Variants in ALK observed in about 807,000 individuals in gnomAD.
ALK encodes ALK receptor tyrosine kinase, also known as ALK tyrosine kinase receptor.
ALK carries 74 observed loss-of-function variants against 163.1 expected under a neutral mutation model. The observed-to-expected ratio is 0.45, with a 90% CI of 0.38 to 0.55. The LOEUF is 0.55. ALK is among the 20% of genes least tolerant of loss of function. The pLI, the probability that ALK is intolerant of heterozygous loss-of-function variation, is 0.00. For synonymous variants in ALK, 960 were observed against 843.2 expected (o/e 1.14, Z -2.40); for missense variants, 2,063 against 2,105.3 (o/e 0.98, Z 0.39).
At position 29,715,200 on chromosome 2, in the gene ALK, C is replaced by T. The variant is rs151136062; in HGVS notation, c.787+2378G>A. On this transcript the variant is annotated intron_variant, in intron 2 of 28. Coordinates refer to ENST00000389048, the MANE Select transcript of ALK (RefSeq NM_004304.5). Reference sequence around the variant, plus strand: ...AGAAAGATGTAAAGCCTCTGGAATGCCCACCATAGTCAGTTAAGGAACCAC... The same window carrying T: ...AGAAAGATGTAAAGCCTCTGGAATGTCCACCATAGTCAGTTAAGGAACCAC... Among the ~76,000 whole-genome samples the T allele has an allele frequency of 5.2e-3, 788 of 152,304 alleles. 13 individuals are homozygous for T. Among genetic ancestry groups the T allele is most frequent in the African/African-American group, 0.017 (720 of 41,562 alleles).
At chr2:29,672,747 G>T (rs1424389027) in intron 3 of ALK, among the ~76,000 whole-genome samples, 2 of 151,744 alleles carry the variant, frequency 1.3e-5, no homozygotes, top group African/African-American at 2.4e-5. Flanking sequence ...CTGAGGAATC[G>T]CCACACTGAC....
chr2:29,226,400 C>T (rs1663993789), intron 18 of ALK, among the ~76,000 whole-genome samples: 2 of 148,648 alleles, frequency 1.3e-5, no homozygotes, highest in African/African-American at 5.0e-5. Context: ...ATTGTTTGAA[C>T]CTGGGAAGCG....
At chr2:29,514,303 T>C (rs1573418573) in intron 4 of ALK, among the ~76,000 whole-genome samples, 1 of 147,772 alleles carries the variant, frequency 6.8e-6, no homozygotes, top group South Asian at 2.2e-4. Flanking sequence ...ATATACACCA[T>C]GGAATACTAT....
At chr2:29,378,068 A>G (rs1444215114) in intron 5 of ALK, among the ~76,000 whole-genome samples, 1 of 152,212 alleles carries the variant, frequency 6.6e-6, no homozygotes, top group Non-Finnish European at 1.5e-5. Flanking sequence ...CTGCTATAAA[A>G]TGTATGTAGG....
chr2:29,693,406 TACACACACACAC>T (rs58588313), intron 3 of ALK, among the ~76,000 whole-genome samples: 3 of 145,174 alleles, frequency 2.1e-5, no homozygotes, highest in Non-Finnish European at 4.6e-5. Flanking sequence ...AGCACTCACC[TACACACACACAC>T]ACACACACAC....
Position 29,449,818 on chromosome 2 carries a change from AG to A in ALK, c.1155-65960del, listed in dbSNP as rs1266919177. On this transcript the variant is annotated intron_variant, in intron 4 of 28. Transcript: ENST00000389048. ...TCTGAAATGTGACATAATTGGAGAAAGGGGCTGTGTTAAATTGTAAAAGCTC... is the reference window on the plus strand; with the variant it reads ...TCTGAAATGTGACATAATTGGAGAAAGGGCTGTGTTAAATTGTAAAAGCTC... Among the ~76,000 whole-genome samples, 8 of 152,328 alleles carry A rather than the reference AG, an allele frequency of 5.3e-5. No homozygotes were observed. In the East Asian group the frequency reaches 1.5e-3, roughly 29 times the overall value.
Position 29,231,007 on chromosome 2 carries a change from C to A in ALK, c.2632+1297G>T, listed in dbSNP as rs182461995. Among the ~76,000 whole-genome samples, 1,010 of 152,266 alleles carry A rather than the reference C, an allele frequency of 6.6e-3. 17 individuals carry two copies. The highest frequency in any genetic ancestry group is 5.6e-3 in the Non-Finnish European group (383 of 68,026). ...AGCAAATGTGTGGAAAGGAAAATAACCCATATCAAAATCAGAACAACGGTG... is the reference window on the plus strand; with the variant it reads ...AGCAAATGTGTGGAAAGGAAAATAAACCATATCAAAATCAGAACAACGGTG... On this transcript the variant is annotated intron_variant, in intron 15 of 28. Coordinates refer to ENST00000389048, the MANE Select transcript of ALK (RefSeq NM_004304.5).
chr2:29,568,067 C>A (rs1007319833), intron 3 of ALK, among the ~76,000 whole-genome samples: 1 of 152,108 alleles, frequency 6.6e-6, no homozygotes, highest in African/African-American at 2.4e-5. Context: ...ATGAAACATC[C>A]AATATCTGTA....
At chr2:29,681,422 A>G (rs796895025) in intron 3 of ALK, 9 of 152,328 alleles carry the variant, frequency 5.9e-5, no homozygotes, top group African/African-American at 2.2e-4. Context: ...TCCTTAAGTC[A>G]GTAAGACTTC....
intron 3 of ALK, among the ~76,000 whole-genome samples, chr2:29,636,135 A>T (rs1180233445): frequency 6.6e-6 from 1 of 152,220 alleles, no homozygotes; most frequent in Non-Finnish European, 1.5e-5. Flanking sequence ...ATATAGCTAC[A>T]GTAATCAAGA....
chr2:29,906,145 A>T (rs76595217), intron 1 of ALK, among the ~76,000 whole-genome samples: 2,956 of 152,034 alleles, frequency 0.019, 109 homozygotes, highest in African/African-American at 0.068. Context: ...GGCAGGGGGG[A>T]AGAAGCAGGC....
intron 4 of ALK, among the ~76,000 whole-genome samples, chr2:29,422,241 A>T (rs1670032698): frequency 6.7e-6 from 1 of 149,098 alleles, no homozygotes. Context: ...GAAGAACCTA[A>T]CAGTTCCCAG....
intron 1 of ALK, among the ~76,000 whole-genome samples, chr2:29,914,455 G>A (rs778569197): frequency 7.2e-5 from 11 of 152,158 alleles, no homozygotes; most frequent in Non-Finnish European, 1.5e-4. Flanking sequence ...GTTGCAGAGT[G>A]CACAGCCTGC....
At chr2:29,459,291 T>C (rs1388297628) in intron 4 of ALK, among the ~76,000 whole-genome samples, 2 of 152,060 alleles carry the variant, frequency 1.3e-5, no homozygotes, top group Non-Finnish European at 2.9e-5. Context: ...AGGTTGAAAG[T>C]CACTTTCTCC....
chr2:29,310,256 T>TA (rs1280157048), intron 8 of ALK, among the ~76,000 whole-genome samples: 2 of 152,186 alleles, frequency 1.3e-5, no homozygotes, highest in Admixed American at 6.5e-5. Flanking sequence ...GGCAGTCACT[T>TA]AAACTCTTTA....
At chr2:29,758,173 G>A (rs984138687) in intron 1 of ALK, among the ~76,000 whole-genome samples, 4 of 151,892 alleles carry the variant, frequency 2.6e-5, no homozygotes, top group South Asian at 4.2e-4. Flanking sequence ...ACCATACCTG[G>A]CTAATTTTTT....
intron 4 of ALK, among the ~76,000 whole-genome samples, chr2:29,476,632 G>A (rs1399668800): frequency 6.6e-6 from 1 of 152,078 alleles, no homozygotes; most frequent in African/African-American, 2.4e-5. Flanking sequence ...GTTTCCCGGT[G>A]GAGAAGGAGG....
At chr2:29,826,696 C>T (rs1415401998) in intron 1 of ALK, among the ~76,000 whole-genome samples, 2 of 152,222 alleles carry the variant, frequency 1.3e-5, no homozygotes, top group Non-Finnish European at 2.9e-5. Flanking sequence ...CCTGCCTGCC[C>T]TCCATGATTA....
chr2:29,206,184 C>T (rs1669303444), intron 26 of ALK, among the ~76,000 whole-genome samples: 1 of 151,444 alleles, frequency 6.6e-6, no homozygotes, highest in South Asian at 2.1e-4. Flanking sequence ...CCCTTCTTTT[C>T]TTCCTCCCTC....
Sources: allele counts gnomAD v4.1 joint callset (sites outside exome capture counted in the v4.1 genomes callset), GRCh38; gene constraint gnomAD v4.1.1; transcripts MANE v1.5; gene names NCBI Gene and HGNC (gene_info 2026-07-23, HGNC 2026-07-21).